ZFAND3: variants seen among roughly 807,000 people sequenced by gnomAD.
ZFAND3 encodes zinc finger AN1-type containing 3.
In ZFAND3, 10 loss-of-function variants were observed where a neutral mutation model predicts 29.6. The ratio of observed to expected loss-of-function variants is 0.34; its 90% CI spans 0.21 to 0.57. ZFAND3 has a LOEUF of 0.57. Ranked by LOEUF, ZFAND3 falls within the 20% of genes least tolerant of loss-of-function variation. ZFAND3 has a pLI of 0.86. For missense variants in ZFAND3, 230 were observed against 304.5 expected, an observed-to-expected ratio of 0.76 and a Z score of 1.82; for synonymous variants, 128 against 112.6, an observed-to-expected ratio of 1.14 and a Z score of -0.87.
chr6:38,139,095 C>T (rs1344606230), intron 5 of ZFAND3, among the ~76,000 whole-genome samples: 1 of 152,106 alleles, frequency 6.6e-6, no homozygotes, highest in Non-Finnish European at 1.5e-5. Context: ...AGGAGTGTGA[C>T]ATCACAGAAG....
rs563748224 is a variant in ZFAND3, at chr6:38,060,770, G to T, written c.113-823G>T. 4.6e-5 allele frequency among the ~76,000 whole-genome samples: 7 copies of T among 150,876 alleles called. No homozygotes were observed. In the South Asian group the frequency reaches 1.5e-3, roughly 32 times the overall value. The stretch of plus-strand genomic sequence containing the variant: ...CCTGCCTGTTCATTTATATTTATTT[G>T]CCAGGTACATTTTTTTTTATATACG... On this transcript the variant is annotated intron_variant, in intron 2 of 5. Coordinates refer to ENST00000287218, the MANE Select transcript of ZFAND3 (RefSeq NM_021943.3).
chr6:37,910,176 A>G (rs1001241142), intron 1 of ZFAND3, among the ~76,000 whole-genome samples: 5 of 152,160 alleles, frequency 3.3e-5, no homozygotes, highest in Admixed American at 1.3e-4. Flanking sequence ...TGCAACCCTT[A>G]TTCTCTTTTC....
At chr6:38,134,433 A>G (rs1029738434) in intron 5 of ZFAND3, among the ~76,000 whole-genome samples, 1 of 152,160 alleles carries the variant, frequency 6.6e-6, no homozygotes, top group African/African-American at 2.4e-5. Flanking sequence ...ATGTGTCTCC[A>G]GCTATCTTAA....
chr6:37,826,170 G>A (rs977664459), intron 1 of ZFAND3, among the ~76,000 whole-genome samples: 1 of 152,170 alleles, frequency 6.6e-6, no homozygotes, highest in Non-Finnish European at 1.5e-5. Flanking sequence ...CTTGAAGGAA[G>A]TGATTGGTCT....
chr6:37,865,359 C>T (rs1185466640), intron 1 of ZFAND3, among the ~76,000 whole-genome samples: 1 of 152,096 alleles, frequency 6.6e-6, no homozygotes, highest in Non-Finnish European at 1.5e-5. Flanking sequence ...ACGCTCAGTA[C>T]AGGTGCAATT....
At chr6:38,104,848 T>G (rs1267605571) in intron 4 of ZFAND3, among the ~76,000 whole-genome samples, 1 of 152,224 alleles carries the variant, frequency 6.6e-6, no homozygotes. Context: ...CAGCTGGGTC[T>G]TTGTATACGC....
At chr6:37,845,191 AGCTTGGG>A (rs1410443846) in intron 1 of ZFAND3, among the ~76,000 whole-genome samples, 1 of 152,146 alleles carries the variant, frequency 6.6e-6, no homozygotes, top group Non-Finnish European at 1.5e-5. Context: ...AGTAGCACAG[AGCTTGGG>A]GCCATCTTTA....
At chr6:38,072,045 G>A (rs963093273) in intron 3 of ZFAND3, among the ~76,000 whole-genome samples, 11 of 152,038 alleles carry the variant, frequency 7.2e-5, no homozygotes, top group African/African-American at 1.4e-4. Flanking sequence ...TCAAAAAAAG[G>A]CAGTGTCCCT....
chr6:37,994,464 T>G (rs1762815196), intron 2 of ZFAND3, among the ~76,000 whole-genome samples: 1 of 152,168 alleles, frequency 6.6e-6, no homozygotes, highest in South Asian at 2.1e-4. Context: ...ACATTACTTT[T>G]CTCTCAGAAA....
rs1766257764 is a variant in ZFAND3, at chr6:38,152,762, T to G, written c.*373T>G. The G allele has an allele frequency of 2.0e-6, 2 of 1,000,100 alleles. No individual in the cohort carries two copies. The highest frequency in any genetic ancestry group is 6.0e-5 in the Admixed American group (1 of 16,700). 62.0% of individuals were successfully genotyped at this position (1,000,100 alleles called of 1,614,324 possible). A position where few individuals can be genotyped will look rare whatever the true frequency, so the allele number is the denominator to read the frequency against. ...GTTAATAGAGGAGTAGAAGCTGGTGTTAAAGTTCCCACGACGCACATGGCT... is the reference window on the plus strand; with the variant it reads ...GTTAATAGAGGAGTAGAAGCTGGTGGTAAAGTTCCCACGACGCACATGGCT... On this transcript the variant is annotated 3_prime_UTR_variant, in exon 6 of 6. Transcript: ENST00000287218.
intron 1 of ZFAND3, among the ~76,000 whole-genome samples, chr6:37,872,574 A>C (rs1393470275): frequency 6.6e-6 from 1 of 151,506 alleles, no homozygotes; most frequent in Non-Finnish European, 1.5e-5. Context: ...CCAGAGTACC[A>C]CTCTCCTACT....
chr6:38,048,579 G>A (rs111793744), intron 2 of ZFAND3, among the ~76,000 whole-genome samples: 46 of 119,362 alleles, frequency 3.9e-4, no homozygotes, highest in African/African-American at 1.4e-3. Flanking sequence ...CCGAGATCGC[G>A]CCACTGCACT....
intron 4 of ZFAND3, among the ~76,000 whole-genome samples, chr6:38,104,941 G>A (rs1765178314): frequency 6.6e-6 from 1 of 152,164 alleles, no homozygotes; most frequent in Non-Finnish European, 1.5e-5. Flanking sequence ...GCAACTGTTG[G>A]AGACAGGATA....
At chr6:37,858,271 A>G (rs1487503641) in intron 1 of ZFAND3, among the ~76,000 whole-genome samples, 1 of 152,198 alleles carries the variant, frequency 6.6e-6, no homozygotes, top group Non-Finnish European at 1.5e-5. Flanking sequence ...GACACTGGCA[A>G]CTTTATGCTG....
chr6:38,027,630 A>G (rs1763475232), intron 2 of ZFAND3, among the ~76,000 whole-genome samples: 1 of 152,226 alleles, frequency 6.6e-6, no homozygotes, highest in Non-Finnish European at 1.5e-5. Context: ...GTAGCAAGGA[A>G]TCAAAGCAAA....
chr6:37,916,381 C>A (rs548279721), intron 1 of ZFAND3, among the ~76,000 whole-genome samples: 1 of 152,118 alleles, frequency 6.6e-6, no homozygotes, highest in African/African-American at 2.4e-5. Context: ...GTATGCCAGC[C>A]GGGCACGGTG....
chr6:37,895,941 G>A (rs1338088112), intron 1 of ZFAND3, among the ~76,000 whole-genome samples: 5 of 152,188 alleles, frequency 3.3e-5, no homozygotes, highest in African/African-American at 7.2e-5. Flanking sequence ...CCTATGAATT[G>A]TGAGGTTTTC....
At chr6:37,845,552 TCC>T (rs1764162975) in intron 1 of ZFAND3, among the ~76,000 whole-genome samples, 1 of 152,228 alleles carries the variant, frequency 6.6e-6, no homozygotes, top group African/African-American at 2.4e-5. Flanking sequence ...AGCTTAATCT[TCC>T]AAGAACTAAC....
chr6:38,006,041 T>C (rs1159875557), intron 2 of ZFAND3, among the ~76,000 whole-genome samples: 1 of 152,246 alleles, frequency 6.6e-6, no homozygotes, highest in East Asian at 1.9e-4. Flanking sequence ...GCAACTCTTC[T>C]CTGCATGGTG....
Sources: allele counts gnomAD v4.1 joint callset (sites outside exome capture counted in the v4.1 genomes callset), GRCh38; gene constraint gnomAD v4.1.1; transcripts MANE v1.5; gene names NCBI Gene and HGNC (gene_info 2026-07-23, HGNC 2026-07-21).